The following UNC5C variants were observed in gnomAD, a reference collection of about 807,000 sequenced individuals.
UNC5C encodes the protein netrin receptor UNC5C.
UNC5C carries 47 observed loss-of-function variants against 99.8 expected under a neutral mutation model. The ratio of observed to expected loss-of-function variants is 0.47; its 90% CI spans 0.37 to 0.60. UNC5C has a LOEUF of 0.60. UNC5C is among the 20% of genes least tolerant of loss of function. The pLI is 0.00. For missense variants in UNC5C, 1,062 were observed against 1,165.9 expected (o/e 0.91, Z 1.30); for synonymous variants, 487 against 452.2 (o/e 1.08, Z -0.98).
intron 3 of UNC5C, among the ~76,000 whole-genome samples, chr4:95,285,076 G>A (rs950843975): frequency 6.6e-6 from 1 of 152,170 alleles, no homozygotes; most frequent in African/African-American, 2.4e-5. Flanking sequence ...TTGCCTTGAA[G>A]AAGATAAGCA....
chr4:95,544,286 CTT>C lies in UNC5C; in HGVS notation c.124+4446_124+4447del, dbSNP rs556423149. On this transcript the variant is annotated intron_variant, in intron 1 of 15. Coordinates refer to ENST00000453304, the MANE Select transcript of UNC5C (RefSeq NM_003728.4). ...GAATGGGCATACACCATTAACAGCT[CTT>C]AGCCTGTGCCTCCCCAGAGCCAGAT... is the stretch of plus-strand genomic sequence containing the variant. Among the ~76,000 whole-genome samples the C allele has an allele frequency of 3.3e-5, 5 of 152,302 alleles. No individual in the cohort carries two copies. The South Asian group carries it at 1.0e-3, about 32-fold the overall frequency.
At chr4:95,307,993 A>G (rs1259340882) in intron 2 of UNC5C, among the ~76,000 whole-genome samples, 1 of 152,238 alleles carries the variant, frequency 6.6e-6, no homozygotes, top group Non-Finnish European at 1.5e-5. Context: ...ATATATGACA[A>G]GCCCAGACCT....
intron 2 of UNC5C, among the ~76,000 whole-genome samples, chr4:95,329,951 C>A (rs1022285401): frequency 6.6e-6 from 1 of 152,154 alleles, no homozygotes; most frequent in African/African-American, 2.4e-5. Context: ...TAAGCCCCAA[C>A]ATCTAGCATT....
chr4:95,346,257 C>G (rs565413787), intron 1 of UNC5C, among the ~76,000 whole-genome samples: 15 of 151,826 alleles, frequency 9.9e-5, no homozygotes, highest in Non-Finnish European at 1.3e-4. Context: ...TCGAACAGAC[C>G]ATTAACAAGT....
chr4:95,529,373 A>G lies in UNC5C; in HGVS notation c.124+19361T>C, dbSNP rs1374642237. 2.7e-5 allele frequency among the ~76,000 whole-genome samples: 4 copies of G among 147,696 alleles called. No individual in the cohort carries two copies. The East Asian group carries it at 7.8e-4, about 29-fold the overall frequency. ...ATATATATATTATATATATACATAA[A>G]AAATATATATATACAAAGTTCCACA... On this transcript the variant is annotated intron_variant, in intron 1 of 15. Transcript: ENST00000453304.
rs769987298 is a variant in UNC5C at position 95,301,681 on chromosome 4, C to T, written c.415G>A (p.Asp139Asn). 1.9e-6 allele frequency: 3 copies of T among 1,613,696 alleles called. No homozygotes were observed. The highest frequency in any genetic ancestry group is 1.1e-5 in the South Asian group (1 of 91,070). ...QQVEELFGPEDYWCQCVAWSS... is the reference protein window; with the variant it reads ...QQVEELFGPENYWCQCVAWSS... ...CAGGCCACACACTGGCACCAGTAAT[C>T]TTCAGGTCCAAAGAGTTCTTCCACT... The change falls in exon 3 of 16, where the codon GAT becomes AAT. Residue 139 changes from aspartate (D) to asparagine (N), a missense_variant. This residue lies in a region of UNC5C where 249 missense variants were observed against 295.1 expected (regional missense o/e 0.84). Coordinates refer to ENST00000453304, the MANE Select transcript of UNC5C (RefSeq NM_003728.4).
At chr4:95,250,823 T>G (rs1457182473) in intron 4 of UNC5C, among the ~76,000 whole-genome samples, 156 bp from the exon 5 acceptor site, 1 of 152,300 alleles carries the variant, frequency 6.6e-6, no homozygotes, top group Non-Finnish European at 1.5e-5. Flanking sequence ...GGCCATGAAC[T>G]TCTGCAAACT....
Position 95,513,917 on chromosome 4 carries a change from C to T in UNC5C, c.124+34817G>A, listed in dbSNP as rs1722144102. On this transcript the variant is annotated intron_variant, in intron 1 of 15. Coordinates refer to ENST00000453304, the MANE Select transcript of UNC5C (RefSeq NM_003728.4). Reference sequence around the variant, plus strand: ...AGAGCTCATAAATTGCTTAACCTAACTTTCTTTTAAACTTTAAAGCCCATC... The same window carrying T: ...AGAGCTCATAAATTGCTTAACCTAATTTTCTTTTAAACTTTAAAGCCCATC... 1.3e-5 allele frequency among the ~76,000 whole-genome samples: 2 copies of T among 152,166 alleles called. 1 individual carries two copies. Among genetic ancestry groups the T allele is most frequent in the South Asian group, 4.1e-4 (2 of 4,830 alleles).
intron 1 of UNC5C, among the ~76,000 whole-genome samples, chr4:95,449,347 TA>T (rs1223409325): frequency 6.6e-6 from 1 of 152,190 alleles, no homozygotes; most frequent in Non-Finnish European, 1.5e-5. Flanking sequence ...CCAGCCCCTT[TA>T]AAAATAATCA....
intron 1 of UNC5C, among the ~76,000 whole-genome samples, chr4:95,392,545 G>T (rs1394402864): frequency 6.6e-6 from 1 of 151,670 alleles, no homozygotes; most frequent in East Asian, 1.9e-4. Flanking sequence ...CGAAACTCCT[G>T]CCTCAGCCTC....
At chr4:95,301,782 A>C in intron 2 of UNC5C, 33 bp from the exon 3 acceptor site, 1 of 1,604,218 alleles carries the variant, frequency 6.2e-7, no homozygotes, top group Non-Finnish European at 8.5e-7. Context: ...TTAAGTCAAC[A>C]CAAGATTCAT....
intron 14 of UNC5C, among the ~76,000 whole-genome samples, chr4:95,179,715 C>T (rs981030170): frequency 2.1e-5 from 3 of 144,078 alleles, no homozygotes; most frequent in African/African-American, 7.5e-5. Context: ...CCACTGCACT[C>T]CAGCCTGGGC....
At chr4:95,227,295 C>G (rs1738735822) in intron 7 of UNC5C, among the ~76,000 whole-genome samples, 1 of 151,798 alleles carries the variant, frequency 6.6e-6, no homozygotes, top group African/African-American at 2.4e-5. Context: ...GACCACATAT[C>G]TGCACCACCA....
At chr4:95,236,488 C>G (rs373282823) in intron 7 of UNC5C, among the ~76,000 whole-genome samples, 110 of 151,344 alleles carry the variant, frequency 7.3e-4, no homozygotes, top group Middle Eastern at 3.4e-3. Flanking sequence ...ATGTAAATGA[C>G]GAGTTAATGG....
Position 95,169,348 on chromosome 4 carries a change from A to T in UNC5C, c.2682T>A (p.Asp894Glu). 1 of 1,614,216 alleles carries T rather than the reference A, an allele frequency of 6.2e-7. No individual in the cohort carries two copies. The highest frequency in any genetic ancestry group is 8.5e-7 in the Non-Finnish European group (1 of 1,180,034). ...TKSSPTGVIL[D>E]LWEAQNFPDG... is the part of the protein sequence containing the mutation. ...CTGGGAAGTTCTGTGCTTCCCAAAG[A>T]TCCAGGATTACGCCAGTTGGGCTGG... Residue 894 changes from aspartate (D) to glutamate (E), a missense_variant, in exon 16 of 16, where the codon GAT becomes GAA. By Grantham distance (45) the Asp-to-Glu change is conservative (BLOSUM62 2). Around this residue, in one of 3 missense-constraint regions of UNC5C, gnomAD observed 810 missense variants for 854.5 expected, o/e 0.95. Transcript: ENST00000453304.
Position 95,334,570 on chromosome 4 carries a change from T to C in UNC5C, c.346+840A>G, listed in dbSNP as rs1227307282. On this transcript the variant is annotated intron_variant, in intron 2 of 15. Coordinates refer to ENST00000453304, the MANE Select transcript of UNC5C (RefSeq NM_003728.4). ...ACACGTATGCTACCATGGAAAGATA[T>C]ATATGTTTCCAATTTAAAAGAACTC... Among the ~76,000 whole-genome samples the C allele has an allele frequency of 2.0e-5, 3 of 151,942 alleles. No homozygotes were observed. In the East Asian group the frequency reaches 5.8e-4, roughly 29 times the overall value.
At chr4:95,533,976 T>C (rs1324413858) in intron 1 of UNC5C, among the ~76,000 whole-genome samples, 1 of 152,216 alleles carries the variant, frequency 6.6e-6, no homozygotes, top group African/African-American at 2.4e-5. Context: ...GCATTCTAGT[T>C]GCTTCTGTTG....
chr4:95,457,333 C>T (rs7669439), intron 1 of UNC5C, among the ~76,000 whole-genome samples: 43,066 of 151,858 alleles, frequency 0.28, 7,551 homozygotes, highest in African/African-American at 0.49. Context: ...TGTTTTACAC[C>T]ATATTAAAAG....
At chr4:95,369,690 ATACCATTGATACCGT>A (rs1744687416) in intron 1 of UNC5C, among the ~76,000 whole-genome samples, 2 of 152,168 alleles carry the variant, frequency 1.3e-5, no homozygotes, top group African/African-American at 4.8e-5. Flanking sequence ...CACATTAGCA[ATACCATTGATACCGT>A]TATCAATGGT....
Sources: allele counts gnomAD v4.1 joint callset (sites outside exome capture counted in the v4.1 genomes callset), GRCh38; gene constraint gnomAD v4.1.1; regional missense constraint gnomAD v4.1.1; transcripts MANE v1.5; gene names NCBI Gene and HGNC (gene_info 2026-07-23, HGNC 2026-07-21).